Variants in TFAP2A observed in about 807,000 individuals in gnomAD.
TFAP2A encodes the protein transcription factor AP-2 alpha.
Under a neutral mutation model 41.5 loss-of-function variants are expected in TFAP2A, and 7 were observed. The observed-to-expected ratio is 0.17, with a 90% CI of 0.10 to 0.32. The LOEUF (loss-of-function observed/expected upper bound fraction) is 0.32, where lower values mean the gene tolerates loss of function less well. Among genes scored for constraint, TFAP2A ranks in the 10% least tolerant of loss-of-function variants. The pLI, the probability that TFAP2A is intolerant of heterozygous loss-of-function variation, is 1.00. For synonymous variants in TFAP2A, 247 were observed against 242.8 expected (o/e 1.02, Z -0.16); for missense variants, 416 against 563.3 (o/e 0.74, Z 2.65).
intron 3 of TFAP2A, chr6:10,406,417 G>A (rs1363669824): frequency 1.2e-5 from 3 of 255,384 alleles, no homozygotes; most frequent in African/African-American, 2.2e-5. Context: ...TTACATTAAT[G>A]TTAAATTATT....
intron 2 of TFAP2A, chr6:10,409,585 C>T: frequency 8.8e-6 from 3 of 341,850 alleles, no homozygotes; most frequent in Non-Finnish European, 1.6e-5. Context: ...GATCTTTTAG[C>T]AATTGAGACA....
chr6:10,419,268 C>G, upstream of TFAP2A: 1 of 910,450 alleles, frequency 1.1e-6, no homozygotes, highest in African/African-American at 1.7e-5. Flanking sequence ...TCGCTGTCTC[C>G]TGGGAGCTCT....
upstream of TFAP2A, chr6:10,416,006 T>G (rs184730377): frequency 3.3e-5 from 5 of 152,340 alleles, no homozygotes; most frequent in East Asian, 9.6e-4. Flanking sequence ...CAGTTCAAAT[T>G]GGTGTTCAGG....
upstream of TFAP2A, chr6:10,419,375 A>G: frequency 7.0e-7 from 1 of 1,437,538 alleles, no homozygotes. Context: ...CCCCTACTCC[A>G]CCCCTGCCCA....
chr6:10,405,729 A>G (rs1278256179), intron 3 of TFAP2A: 2 of 152,254 alleles, frequency 1.3e-5, no homozygotes, highest in South Asian at 2.1e-4. Flanking sequence ...TATGCACACA[A>G]TCTCATCACA....
Position 10,414,270 on chromosome 6 carries a change from T to C in TFAP2A, c.51+671A>G, listed in dbSNP as rs1234765107. On this transcript the variant is annotated intron_variant, in intron 1 of 6. Transcript: ENST00000379613. Reference sequence around the variant, plus strand: ...ACACCCCCGTGGGGTGCGTCGATCCTGTAGCTCAGAGGGAGAAGCTACTTA... The same window carrying C: ...ACACCCCCGTGGGGTGCGTCGATCCCGTAGCTCAGAGGGAGAAGCTACTTA... Among the ~76,000 whole-genome samples, 3 of 152,198 alleles carry C rather than the reference T, an allele frequency of 2.0e-5. No individual in the cohort carries two copies. The East Asian group carries it at 5.8e-4, about 29-fold the overall frequency.
chr6:10,408,901 A>T (rs930114666), intron 2 of TFAP2A, among the ~76,000 whole-genome samples: 1 of 152,278 alleles, frequency 6.6e-6, no homozygotes, highest in Non-Finnish European at 1.5e-5. Context: ...TATTTGATGC[A>T]GTAATTTGAA....
chr6:10,399,735 A>T (rs2114001081), intron 6 of TFAP2A, among the ~76,000 whole-genome samples: 1 of 152,310 alleles, frequency 6.6e-6, no homozygotes, highest in South Asian at 2.1e-4. Flanking sequence ...GCTTCCAAAC[A>T]AGCCTTTTAA....
At chr6:10,415,514 C>A (rs1758210040), upstream of TFAP2A, 1 of 226,102 alleles carries the variant, frequency 4.4e-6, no homozygotes, top group Non-Finnish European at 9.0e-6. Context: ...CCGCCACATT[C>A]CCCTTCCTTT....
intron 1 of TFAP2A, chr6:10,412,113 G>T (rs936242220): frequency 1.0e-6 from 1 of 994,844 alleles, no homozygotes; most frequent in African/African-American, 1.7e-5. Context: ...GGCAACTCGC[G>T]CCGGAGCCGG....
chr6:10,401,303 C>T (rs956983034), intron 5 of TFAP2A, among the ~76,000 whole-genome samples: 1 of 152,200 alleles, frequency 6.6e-6, no homozygotes, highest in African/African-American at 2.4e-5. Flanking sequence ...ACGAACTCCA[C>T]GCTATACCTT....
At chr6:10,404,180 G>A (rs1757562688) in intron 4 of TFAP2A, among the ~76,000 whole-genome samples, 1 of 152,346 alleles carries the variant, frequency 6.6e-6, no homozygotes, top group East Asian at 1.9e-4. Flanking sequence ...GCAGTGGCCG[G>A]GATTGAGCCC....
At chr6:10,419,444 T>G (rs762523527), upstream of TFAP2A, 4 of 1,614,102 alleles carry the variant, frequency 2.5e-6, no homozygotes, top group Non-Finnish European at 3.4e-6. Flanking sequence ...TTGGCAAGTA[T>G]GGACATCGCG....
chr6:10,415,377 A>G (rs1009396442), upstream of TFAP2A: 1 of 895,228 alleles, frequency 1.1e-6, no homozygotes, highest in Non-Finnish European at 1.5e-6. Flanking sequence ...CCGCTCCGAC[A>G]CAGGTATAAA....
upstream of TFAP2A, chr6:10,415,235 C>G: frequency 2.1e-6 from 3 of 1,454,000 alleles, no homozygotes; most frequent in South Asian, 1.4e-5. Context: ...AAAGAGCTCC[C>G]GTGTGCGCTC....
At chr6:10,412,544 A>T (rs933740233) in intron 1 of TFAP2A, 1 of 45,364 alleles carries the variant, frequency 2.2e-5, no homozygotes, top group Non-Finnish European at 4.1e-5. Context: ...GCCGCGGGGG[A>T]GGGGGAAGGG....
At chr6:10,403,568 TAACAGTCAA>T (rs960157218) in intron 4 of TFAP2A, among the ~76,000 whole-genome samples, 1 of 152,116 alleles carries the variant, frequency 6.6e-6, no homozygotes, top group Non-Finnish European at 1.5e-5. Context: ...AGTAAATGAA[TAACAGTCAA>T]AACAATGAAG....
Position 10,407,089 on chromosome 6 carries a change from G to A in TFAP2A, c.487-245C>T, listed in dbSNP as rs1282722920. On this transcript the variant is annotated intron_variant, in intron 2 of 6. Transcript: ENST00000379613. ...CAAATAATCCATGTTTAAAAGGGGT[G>A]GAGATGGGGAATAAAACTTTCTTTG... is the stretch of plus-strand genomic sequence containing the variant. 6 of 554,114 alleles carry A rather than the reference G, an allele frequency of 1.1e-5. No individual in the cohort carries two copies. In the Admixed American group the frequency reaches 1.9e-4, roughly 17 times the overall value. The allele number at this position is 554,114 out of a possible 1,614,324, so 34.3% of individuals were successfully genotyped here.
intron 1 of TFAP2A, chr6:10,411,645 C>A (rs781630026): frequency 6.8e-6 from 11 of 1,612,586 alleles, no homozygotes; most frequent in Non-Finnish European, 6.8e-6. Context: ...AACAAGCAAG[C>A]CTGGAGCGCC....
Sources: gnomAD v4.1 joint callset for allele counts (sites outside exome capture counted in the v4.1 genomes callset) on GRCh38, gnomAD v4.1.1 for gene constraint, MANE v1.5 for transcripts, NCBI Gene and HGNC (gene_info 2026-07-23, HGNC 2026-07-21) for gene names.